Variants in RNF187 observed in about 807,000 individuals in gnomAD.
RNF187 encodes the protein ring finger protein 187.
Under a neutral mutation model 22.2 loss-of-function variants are expected in RNF187, and 18 were observed. That is an observed-to-expected ratio of 0.81 (90% CI 0.56 to 1.20). The LOEUF (loss-of-function observed/expected upper bound fraction) is 1.20. RNF187 is among the 50% of genes most tolerant of loss of function. The probability of loss-of-function intolerance (pLI) is 0.00; values close to 1 mark genes in which losing one functional copy is unlikely to be tolerated. For synonymous variants in RNF187, 164 were observed against 140.9 expected (o/e 1.16, Z -1.16); for missense variants, 329 against 317.6 (o/e 1.04, Z -0.27).
chr1:228,493,470 A>G lies in RNF187; in HGVS notation c.705+196A>G. On this transcript the variant is annotated intron_variant, in intron 3 of 3. Coordinates refer to ENST00000305943, the MANE Select transcript of RNF187 (RefSeq NM_001010858.3). The surrounding 1 kb of genome is among the most constrained non-coding windows in gnomAD (Gnocchi z 4.7). ...GATGGGAAGGGGTTTTAAGTTGAGG[A>G]GGGTCTGAGGTGTCCCTGACCTTCA... Among the ~76,000 whole-genome samples the G allele has an allele frequency of 6.6e-5, 10 of 152,208 alleles. No homozygotes were observed. The highest frequency in any genetic ancestry group is 1.3e-4 in the Non-Finnish European group (9 of 68,026).
In RNF187 at chr1:228,495,028, TC is replaced by T; in HGVS notation, c.*1145del. The T allele has an allele frequency of 1.0e-6, 1 of 985,662 alleles. No individual in the cohort carries two copies. 61.1% of individuals were successfully genotyped at this position (985,662 alleles called of 1,614,324 possible). On this transcript the variant is annotated 3_prime_UTR_variant, in exon 4 of 4. Transcript: ENST00000305943. Reference sequence around the variant, plus strand: ...CCTCTTCCCCCTGCCCTGGCCACCCTCCAGTGTCAAAGGAAACTTCCTCGTG... The same window carrying T: ...CCTCTTCCCCCTGCCCTGGCCACCCTCAGTGTCAAAGGAAACTTCCTCGTG...
chr1:228,487,426 C>T lies in RNF187; in HGVS notation c.-63C>T, dbSNP rs1658857897. ...TGCTGGTCTCCGTCCGGTCGCCGGC[C>T]GTCTAGGTCTCCGGCCCTCCCCAGC... On this transcript the variant is annotated 5_prime_UTR_variant, in exon 1 of 4. Coordinates refer to ENST00000305943, the MANE Select transcript of RNF187 (RefSeq NM_001010858.3). The T allele has an allele frequency of 5.5e-6, 6 of 1,088,766 alleles. No individual in the cohort carries two copies. The South Asian group carries it at 2.2e-4, about 40-fold the overall frequency. The allele number at this position is 1,088,766 out of a possible 1,614,324, so 67.4% of individuals were successfully genotyped here.
intron 2 of RNF187, 53 bp downstream of exon 2, chr1:228,489,105 C>A: frequency 6.9e-7 from 1 of 1,459,064 alleles, no homozygotes. Context: ...GGGCTCAGGG[C>A]TCTAGACAAA....
At chr1:228,492,774 G>A in intron 2 of RNF187, among the ~76,000 whole-genome samples, 1 of 151,566 alleles carries the variant, frequency 6.6e-6, no homozygotes, top group Non-Finnish European at 1.5e-5. Flanking sequence ...TTACAGGCGT[G>A]CCACCACGCC....
chr1:228,488,003 TC>T lies in RNF187; in HGVS notation c.390+129del. ...TGTTCCTGTCCCCGGATTGTCCCCG[TC>T]CCCGGATTGTCCCCCTCCCCTCACC... On this transcript the variant is annotated intron_variant, in intron 1 of 3. Coordinates refer to ENST00000305943, the MANE Select transcript of RNF187 (RefSeq NM_001010858.3). 1.1e-5 allele frequency: 6 copies of T among 566,906 alleles called. No homozygotes were observed. In the African/African-American group the frequency reaches 1.1e-4, roughly 10 times the overall value. The allele number at this position is 566,906 out of a possible 1,614,324, so 35.1% of individuals were successfully genotyped here.
Position 228,495,410 on chromosome 1 carries a change from C to A in RNF187, c.*1525C>A. 1 of 924,460 alleles carries A rather than the reference C, an allele frequency of 1.1e-6. No homozygotes were observed. The highest frequency in any genetic ancestry group is 1.3e-6 in the Non-Finnish European group (1 of 774,530). The allele number at this position is 924,460 out of a possible 1,614,324, so 57.3% of individuals were successfully genotyped here. ...TAAAACTGGATTTCATAAGAAAGGGCAAAGAGGGCCCTAGGAGAAGATTCC... is the reference window on the plus strand; with the variant it reads ...TAAAACTGGATTTCATAAGAAAGGGAAAAGAGGGCCCTAGGAGAAGATTCC... On this transcript the variant is annotated 3_prime_UTR_variant, in exon 4 of 4. Transcript: ENST00000305943.
intron 2 of RNF187, among the ~76,000 whole-genome samples, chr1:228,492,071 A>G: frequency 6.6e-6 from 1 of 152,016 alleles, no homozygotes; most frequent in Admixed American, 6.6e-5. Flanking sequence ...TTTTTTTTAA[A>G]AAAGGCCTTG....
intron 2 of RNF187, 73 bp downstream of exon 2, chr1:228,489,125 AG>A: frequency 1.5e-6 from 2 of 1,302,334 alleles, no homozygotes; most frequent in Non-Finnish European, 2.1e-6. Flanking sequence ...AGGGACCACC[AG>A]GCCAAGTGGG....
chr1:228,488,942 A>T lies in RNF187; in HGVS notation c.391-18A>T. The T allele has an allele frequency of 6.5e-7, 1 of 1,547,764 alleles. No homozygotes were observed. Among genetic ancestry groups the T allele is most frequent in the Non-Finnish European group, 8.7e-7 (1 of 1,143,840 alleles). On this transcript the variant is annotated intron_variant, in intron 1 of 3. Transcript: ENST00000305943. ...CCAGAGCTTCTGCCCACCCCTGGTG[A>T]CCTTCTTTTCTTTACAGGAGAACAA...
At chr1:228,492,650 G>A in intron 2 of RNF187, among the ~76,000 whole-genome samples, 1 of 116,298 alleles carries the variant, frequency 8.6e-6, no homozygotes, top group East Asian at 2.8e-4. Context: ...TTTTGAGATG[G>A]AGTCTCGCTC....
chr1:228,492,916 C>A, intron 2 of RNF187, 137 bp from the exon 3 acceptor site: 4 of 952,924 alleles, frequency 4.2e-6, no homozygotes, highest in Non-Finnish European at 3.1e-6. Flanking sequence ...AGCCACTGTG[C>A]CTGGCCTAAT....
At chr1:228,490,737 C>A in intron 2 of RNF187, among the ~76,000 whole-genome samples, 2 of 152,248 alleles carry the variant, frequency 1.3e-5, no homozygotes, top group Non-Finnish European at 2.9e-5. Flanking sequence ...GAGTAGCATC[C>A]TGCTCTGCTC....
At position 228,494,064 on chromosome 1, in the gene RNF187, G is replaced by T; in HGVS notation, c.*179G>T. 4 of 1,503,490 alleles carry T rather than the reference G, an allele frequency of 2.7e-6. No homozygotes were observed. The South Asian group carries it at 5.2e-5, about 19-fold the overall frequency. 93.1% of individuals were successfully genotyped at this position (1,503,490 alleles called of 1,614,324 possible). A position where few individuals can be genotyped will look rare whatever the true frequency, so the allele number is the denominator to read the frequency against. ...CCTTCACCCCGAGGCGTGTTTTGGG[G>T]GCTGCAAACACCTCCCGGTAGAGGC... On this transcript the variant is annotated 3_prime_UTR_variant, in exon 4 of 4. Coordinates refer to ENST00000305943, the MANE Select transcript of RNF187 (RefSeq NM_001010858.3).
chr1:228,488,654 G>A, intron 1 of RNF187, among the ~76,000 whole-genome samples: 1 of 152,238 alleles, frequency 6.6e-6, no homozygotes, highest in Non-Finnish European at 1.5e-5. Flanking sequence ...CAGGGTGTAG[G>A]GCAGGCTGTG....
Position 228,494,145 on chromosome 1 carries a change from G to A in RNF187, c.*260G>A. On this transcript the variant is annotated 3_prime_UTR_variant, in exon 4 of 4. Transcript: ENST00000305943. ...GTCCCTTCCTGAAGTCCTAGCCACA[G>A]CCCATCCTCCATGAGTCCCGGCAGC... 18 of 1,417,766 alleles carry A rather than the reference G, an allele frequency of 1.3e-5. No homozygotes were observed. In the East Asian group the frequency reaches 4.7e-4, roughly 37 times the overall value. 87.8% of individuals were successfully genotyped at this position (1,417,766 alleles called of 1,614,324 possible).
chr1:228,494,207 C>T lies in RNF187; in HGVS notation c.*322C>T. ...CCCTTCCCTGGTCACCCATCTGCCC[C>T]TCACCTCGTCATCCAGGGACCCAGA... On this transcript the variant is annotated 3_prime_UTR_variant, in exon 4 of 4. Coordinates refer to ENST00000305943, the MANE Select transcript of RNF187 (RefSeq NM_001010858.3). 7.6e-7 allele frequency: 1 copy of T among 1,323,692 alleles called. No individual in the cohort carries two copies. The highest frequency in any genetic ancestry group is 2.9e-4 in the Middle Eastern group (1 of 3,426). 82.0% of individuals were successfully genotyped at this position (1,323,692 alleles called of 1,614,324 possible). A position where few individuals can be genotyped will look rare whatever the true frequency, so the allele number is the denominator to read the frequency against.
chr1:228,493,856 T>C lies in RNF187; in HGVS notation c.706-27T>C. 1 of 1,551,290 alleles carries C rather than the reference T, an allele frequency of 6.4e-7. No individual in the cohort carries two copies. The highest frequency in any genetic ancestry group is 1.2e-5 in the South Asian group (1 of 84,048). Reference sequence around the variant, plus strand: ...GTGTCTCTTTCTCTTTTTGTCTCTCTGTCTTTCCCTCTCCCCTCCCATGCA... The same window carrying C: ...GTGTCTCTTTCTCTTTTTGTCTCTCCGTCTTTCCCTCTCCCCTCCCATGCA... On this transcript the variant is annotated intron_variant, in intron 3 of 3. Coordinates refer to ENST00000305943, the MANE Select transcript of RNF187 (RefSeq NM_001010858.3). This position sits in a 1 kb window ranked among gnomAD's most constrained non-coding sequence, Gnocchi z 4.7.
Position 228,490,083 on chromosome 1 carries a change from G to A in RNF187, c.483+1031G>A. On this transcript the variant is annotated intron_variant, in intron 2 of 3. Coordinates refer to ENST00000305943, the MANE Select transcript of RNF187 (RefSeq NM_001010858.3). Reference sequence around the variant, plus strand: ...AAAACCTGTGTGCCATTTTCTCTGCGTTTCATAAATTCCTATCTCCTTCTT... The same window carrying A: ...AAAACCTGTGTGCCATTTTCTCTGCATTTCATAAATTCCTATCTCCTTCTT... Among the ~76,000 whole-genome samples, 11 of 152,274 alleles carry A rather than the reference G, an allele frequency of 7.2e-5. No homozygotes were observed. The South Asian group carries it at 2.1e-3, about 29-fold the overall frequency.
chr1:228,494,982 C>A lies in RNF187; in HGVS notation c.*1097C>A. ...TGGGTTTGTGTCAGCTCGTTTGCTT[C>A]GTCTCCGTGTGTCCACCTGGCCTCT... On this transcript the variant is annotated 3_prime_UTR_variant, in exon 4 of 4. Transcript: ENST00000305943. The A allele has an allele frequency of 2.0e-6, 2 of 985,506 alleles. No homozygotes were observed. The highest frequency in any genetic ancestry group is 2.4e-6 in the Non-Finnish European group (2 of 830,078). 61.0% of individuals were successfully genotyped at this position (985,506 alleles called of 1,614,324 possible). A position where few individuals can be genotyped will look rare whatever the true frequency, so the allele number is the denominator to read the frequency against.
Sources: allele counts gnomAD v4.1 joint callset (sites outside exome capture counted in the v4.1 genomes callset), GRCh38; gene constraint gnomAD v4.1.1; non-coding constraint Gnocchi (gnomAD v3.1); transcripts MANE v1.5; gene names NCBI Gene and HGNC (gene_info 2026-07-23, HGNC 2026-07-21).